The following CTNNA3 variants were observed in gnomAD, a reference collection of about 807,000 sequenced individuals.
CTNNA3 encodes the protein catenin alpha-3.
Under a neutral mutation model 95.7 loss-of-function variants are expected in CTNNA3, and 76 were observed. That is an observed-to-expected ratio of 0.79 (90% CI 0.66 to 0.96). The LOEUF (loss-of-function observed/expected upper bound fraction) is 0.96. CTNNA3 is among the 40% of genes least tolerant of loss of function. The pLI, the probability that CTNNA3 is intolerant of heterozygous loss-of-function variation, is 0.00. For missense variants in CTNNA3, 1,191 were observed against 1,089.8 expected (o/e 1.09, Z -1.31); for synonymous variants, 431 against 374.4 (o/e 1.15, Z -1.74).
chr10:66,567,714 C>T (rs1312442195), intron 10 of CTNNA3, among the ~76,000 whole-genome samples: 6 of 152,160 alleles, frequency 3.9e-5, no homozygotes, highest in Non-Finnish European at 8.8e-5. Context: ...TATCATCCTG[C>T]CATTTTACTA....
chr10:66,307,330 T>G (rs1025877501), intron 12 of CTNNA3, among the ~76,000 whole-genome samples: 1 of 152,208 alleles, frequency 6.6e-6, no homozygotes, highest in African/African-American at 2.4e-5. Flanking sequence ...TTATAGTATC[T>G]GGAAAATGTT....
chr10:66,144,583 G>A (rs981820639), intron 13 of CTNNA3, among the ~76,000 whole-genome samples: 1 of 152,014 alleles, frequency 6.6e-6, no homozygotes, highest in Non-Finnish European at 1.5e-5. Context: ...TGCTTCCCGG[G>A]TTCAAGTGAT....
intron 11 of CTNNA3, among the ~76,000 whole-genome samples, chr10:66,385,111 T>C (rs796201515): frequency 6.6e-6 from 1 of 152,042 alleles, no homozygotes; most frequent in South Asian, 2.1e-4. Flanking sequence ...CTGAAAGAGA[T>C]AGAGACACAA....
rs1404339487 is a variant in CTNNA3 at position 66,317,326 on chromosome 10, T to G, written c.1733-36705A>C. Reference sequence around the variant, plus strand: ...GTCAAGTTTTGCCATTTCTACATAATTCCTCATTTATTTGGGTTTGTTTAT... The same window carrying G: ...GTCAAGTTTTGCCATTTCTACATAAGTCCTCATTTATTTGGGTTTGTTTAT... On this transcript the variant is annotated intron_variant, in intron 12 of 17. Transcript: ENST00000433211. Among the ~76,000 whole-genome samples, 3 of 152,054 alleles carry G rather than the reference T, an allele frequency of 2.0e-5. No individual in the cohort carries two copies. In the East Asian group the frequency reaches 5.8e-4, roughly 29 times the overall value.
At chr10:66,840,261 G>T (rs1782078116) in intron 7 of CTNNA3, among the ~76,000 whole-genome samples, 1 of 148,468 alleles carries the variant, frequency 6.7e-6, no homozygotes, top group Non-Finnish European at 1.5e-5. Flanking sequence ...ATAATGTCAG[G>T]CAGACTCTGG....
At chr10:66,663,884 T>A (rs1846348805) in intron 9 of CTNNA3, among the ~76,000 whole-genome samples, 1 of 152,160 alleles carries the variant, frequency 6.6e-6, no homozygotes, top group South Asian at 2.1e-4. Flanking sequence ...TTCTCCTTTT[T>A]AAATTAGCAT....
chr10:66,475,647 T>C (rs1261891787), intron 11 of CTNNA3, among the ~76,000 whole-genome samples: 2 of 151,880 alleles, frequency 1.3e-5, no homozygotes, highest in Non-Finnish European at 2.9e-5. Flanking sequence ...AAAATGCAAA[T>C]CTAAACTACA....
intron 12 of CTNNA3, among the ~76,000 whole-genome samples, chr10:66,372,766 C>T (rs947030400): frequency 1.3e-5 from 2 of 151,956 alleles, no homozygotes; most frequent in African/African-American, 2.4e-5. Context: ...AATGAGTGCC[C>T]GAAAGGGAAA....
intron 5 of CTNNA3, among the ~76,000 whole-genome samples, chr10:67,436,372 A>G (rs1175092883): frequency 6.6e-6 from 1 of 152,190 alleles, no homozygotes; most frequent in Admixed American, 6.5e-5. Flanking sequence ...TTAAAATTCT[A>G]GAAGATAACA....
chr10:66,902,614 A>G lies in CTNNA3; in HGVS notation c.1048-127090T>C, dbSNP rs186835173. On this transcript the variant is annotated intron_variant, in intron 7 of 17. Transcript: ENST00000433211. ...AGGAGCTGGTTTTTTGAAAAGATCA[A>G]CAAAATTGATAGACCACTAGCAAGA... 2.2e-3 allele frequency among the ~76,000 whole-genome samples: 340 copies of G among 152,200 alleles called. 3 individuals are homozygous for G. The highest frequency in any genetic ancestry group is 8.0e-3 in the African/African-American group (332 of 41,572).
intron 4 of CTNNA3, among the ~76,000 whole-genome samples, chr10:67,529,568 A>G (rs1457534839): frequency 6.6e-6 from 1 of 151,580 alleles, no homozygotes; most frequent in African/African-American, 2.4e-5. Flanking sequence ...GGTGCAGCAC[A>G]CCAGCATGGC....
chr10:66,151,007 C>T (rs562234049), intron 13 of CTNNA3, among the ~76,000 whole-genome samples: 101 of 152,038 alleles, frequency 6.6e-4, no homozygotes, highest in Non-Finnish European at 6.3e-4. Flanking sequence ...TTGCATTTCT[C>T]TTACGAAGTA....
intron 7 of CTNNA3, among the ~76,000 whole-genome samples, chr10:67,063,777 T>C (rs1389206870): frequency 1.3e-5 from 2 of 152,228 alleles, no homozygotes; most frequent in African/African-American, 4.8e-5. Flanking sequence ...GAAATTTCTA[T>C]TGAGAGGTGG....
At chr10:66,055,653 A>G (rs551168206) in intron 15 of CTNNA3, among the ~76,000 whole-genome samples, 4 of 152,218 alleles carry the variant, frequency 2.6e-5, no homozygotes, top group African/African-American at 9.6e-5. Flanking sequence ...GCCGGGCGTG[A>G]TGGCTTACGC....
intron 5 of CTNNA3, among the ~76,000 whole-genome samples, chr10:67,508,074 C>T (rs117823940): frequency 2.6e-5 from 4 of 152,044 alleles, no homozygotes; most frequent in Non-Finnish European, 5.9e-5. Flanking sequence ...AGTACAGTGG[C>T]GCAATTGTAG....
At chr10:67,423,634 C>A (rs1845821520) in intron 5 of CTNNA3, among the ~76,000 whole-genome samples, 1 of 152,110 alleles carries the variant, frequency 6.6e-6, no homozygotes, top group Non-Finnish European at 1.5e-5. Flanking sequence ...CTTATTGCAA[C>A]CTTCTCCCCA....
chr10:66,408,928 C>T (rs2093078328), intron 11 of CTNNA3, among the ~76,000 whole-genome samples: 1 of 152,052 alleles, frequency 6.6e-6, no homozygotes, highest in Non-Finnish European at 1.5e-5. Context: ...TGACAGAATC[C>T]TGATGGCTTA....
At chr10:66,852,348 T>C (rs1464310106) in intron 7 of CTNNA3, among the ~76,000 whole-genome samples, 3 of 152,178 alleles carry the variant, frequency 2.0e-5, no homozygotes, top group Non-Finnish European at 4.4e-5. Context: ...TCTGTGATTA[T>C]ACAAATATTT....
chr10:67,112,777 C>T (rs1858976786), intron 7 of CTNNA3, among the ~76,000 whole-genome samples: 2 of 152,090 alleles, frequency 1.3e-5, no homozygotes, highest in Admixed American at 1.3e-4. Context: ...CCTCAATCTG[C>T]ACTGCAGGTT....
Sources: gnomAD v4.1 joint callset for allele counts (sites outside exome capture counted in the v4.1 genomes callset) on GRCh38, gnomAD v4.1.1 for gene constraint, MANE v1.5 for transcripts, NCBI Gene and HGNC (gene_info 2026-07-23, HGNC 2026-07-21) for gene names.